CADM1: variants seen among roughly 807,000 people sequenced by gnomAD.
CADM1 encodes cell adhesion molecule 1.
In CADM1, 15 loss-of-function variants were observed where a neutral mutation model predicts 53.1. The observed-to-expected ratio is 0.28, with a 90% CI of 0.19 to 0.44. The LOEUF is 0.44. CADM1 is among the 20% of genes least tolerant of loss of function. CADM1 has a pLI of 1.00. For synonymous variants in CADM1, 281 were observed against 243.0 expected (o/e 1.16, Z -1.45); for missense variants, 434 against 611.3 (o/e 0.71, Z 3.06).
At chr11:115,316,317 G>A (rs1944665167) in intron 1 of CADM1, among the ~76,000 whole-genome samples, 1 of 152,128 alleles carries the variant, frequency 6.6e-6, no homozygotes, top group Non-Finnish European at 1.5e-5. Context: ...AGTTCATCTT[G>A]GGAGAGTGAG....
chr11:115,190,603 T>C, intron 10 of CADM1: 1 of 370,794 alleles, frequency 2.7e-6, no homozygotes, highest in East Asian at 4.2e-5. Flanking sequence ...GACATAAACA[T>C]TATTTGAAGC....
chr11:115,282,320 C>T (rs1943609902), intron 1 of CADM1, among the ~76,000 whole-genome samples: 1 of 152,180 alleles, frequency 6.6e-6, no homozygotes, highest in Admixed American at 6.5e-5. Flanking sequence ...AACCCAGCTG[C>T]ATCTACCCTA....
intron 1 of CADM1, among the ~76,000 whole-genome samples, chr11:115,366,777 C>G (rs1946172878): frequency 6.6e-6 from 1 of 151,956 alleles, no homozygotes; most frequent in Non-Finnish European, 1.5e-5. Flanking sequence ...AAATATATGA[C>G]TTGAGTTACT....
chr11:115,436,657 A>G (rs74817414), intron 1 of CADM1, among the ~76,000 whole-genome samples: 85 of 152,348 alleles, frequency 5.6e-4, no homozygotes, highest in Non-Finnish European at 1.0e-3. Flanking sequence ...TATCAGGAGA[A>G]TCAACTAAGA....
intron 1 of CADM1, among the ~76,000 whole-genome samples, chr11:115,378,833 C>T (rs1329002389): frequency 1.3e-5 from 2 of 152,200 alleles, no homozygotes; most frequent in Non-Finnish European, 2.9e-5. Flanking sequence ...GACCGTATGG[C>T]CCACAAAGCC....
At chr11:115,217,726 A>G (rs910728534) in intron 6 of CADM1, among the ~76,000 whole-genome samples, 166 bp downstream of exon 6, 1 of 152,200 alleles carries the variant, frequency 6.6e-6, no homozygotes, top group Non-Finnish European at 1.5e-5. Context: ...ATTAAGAACT[A>G]TGGATATTTA....
chr11:115,225,615 T>A (rs972506253), intron 5 of CADM1, among the ~76,000 whole-genome samples: 1 of 152,162 alleles, frequency 6.6e-6, no homozygotes, highest in Non-Finnish European at 1.5e-5. Flanking sequence ...AGGACTTAAA[T>A]CCACAAGACA....
intron 1 of CADM1, among the ~76,000 whole-genome samples, chr11:115,495,740 C>T (rs1311030906): frequency 6.6e-6 from 1 of 152,158 alleles, no homozygotes; most frequent in Admixed American, 6.5e-5. Flanking sequence ...CTAATAAAGG[C>T]CTGGGTTTTA....
At chr11:115,178,268 T>C (rs1939130532) in intron 11 of CADM1, among the ~76,000 whole-genome samples, 1 of 152,142 alleles carries the variant, frequency 6.6e-6, no homozygotes, top group South Asian at 2.1e-4. Flanking sequence ...CAGAAAACAG[T>C]AGGTTGTGGA....
chr11:115,306,678 A>G (rs917502678), intron 1 of CADM1, among the ~76,000 whole-genome samples: 3 of 151,978 alleles, frequency 2.0e-5, no homozygotes, highest in Non-Finnish European at 4.4e-5. Context: ...TCTTAAAATT[A>G]GTAAGCAAGA....
chr11:115,260,456 C>T (rs1942937781), intron 1 of CADM1, among the ~76,000 whole-genome samples: 1 of 152,192 alleles, frequency 6.6e-6, no homozygotes, highest in African/African-American at 2.4e-5. Flanking sequence ...AATATGTGGC[C>T]AGTGGGCCTC....
At chr11:115,295,507 TA>T (rs201089982) in intron 1 of CADM1, among the ~76,000 whole-genome samples, 6,128 of 15,650 alleles carry the variant, frequency 0.39, 278 homozygotes, top group East Asian at 0.44. Context: ...CAAGATATTT[TA>T]TATATATATA....
intron 1 of CADM1, among the ~76,000 whole-genome samples, chr11:115,433,803 T>A (rs551228103): frequency 1.3e-4 from 20 of 152,356 alleles, no homozygotes; most frequent in African/African-American, 4.6e-4. Flanking sequence ...ACACGTCGGC[T>A]GGTTCAATGA....
chr11:115,453,343 T>C (rs1227082599), intron 1 of CADM1, among the ~76,000 whole-genome samples: 1 of 148,744 alleles, frequency 6.7e-6, no homozygotes, highest in Non-Finnish European at 1.5e-5. Flanking sequence ...CCAGCTTGAG[T>C]GACAAGAGTG....
At position 115,313,558 on chromosome 11, in the gene CADM1, AACTG is replaced by A. The variant is rs372038554; in HGVS notation, c.125-73142_125-73139del. 2.8e-3 allele frequency among the ~76,000 whole-genome samples: 420 copies of A among 152,324 alleles called. 2 individuals are homozygous for A. The highest frequency in any genetic ancestry group is 9.5e-3 in the African/African-American group (393 of 41,582). On this transcript the variant is annotated intron_variant, in intron 1 of 11. Transcript: ENST00000331581. ...TACAATATAAAGCTGCTGGACAGCT[AACTG>A]ACTGGGAAAAACCTAAGGTCCAAGA... is the stretch of plus-strand genomic sequence containing the variant.
chr11:115,185,236 C>T (rs899969617), intron 10 of CADM1, among the ~76,000 whole-genome samples: 15 of 152,264 alleles, frequency 9.9e-5, no homozygotes, highest in African/African-American at 1.4e-4. Flanking sequence ...TTCTTATCAC[C>T]GACCCAAGGC....
chr11:115,484,182 A>C (rs1260500399), intron 1 of CADM1, among the ~76,000 whole-genome samples: 1 of 152,206 alleles, frequency 6.6e-6, no homozygotes, highest in African/African-American at 2.4e-5. Context: ...CCACACATCA[A>C]TTTCATTCAT....
chr11:115,252,460 CT>C (rs1215248328), intron 1 of CADM1, among the ~76,000 whole-genome samples: 4 of 152,216 alleles, frequency 2.6e-5, no homozygotes, highest in Middle Eastern at 3.4e-3. Context: ...CTAAGGCTAA[CT>C]AAAAAGCAGA....
intron 1 of CADM1, among the ~76,000 whole-genome samples, chr11:115,409,231 C>T (rs1419431164): frequency 2.6e-5 from 4 of 152,116 alleles, no homozygotes; most frequent in Non-Finnish European, 5.9e-5. Flanking sequence ...TCTACAAGAA[C>T]ACTGGCATTT....
Sources: allele counts gnomAD v4.1 joint callset (sites outside exome capture counted in the v4.1 genomes callset), GRCh38; gene constraint gnomAD v4.1.1; transcripts MANE v1.5; gene names NCBI Gene and HGNC (gene_info 2026-07-23, HGNC 2026-07-21).